GALNTL6: variants seen among roughly 807,000 people sequenced by gnomAD.
The protein encoded by GALNTL6 is polypeptide N-acetylgalactosaminyltransferase-like 6.
GALNTL6 carries 46 observed loss-of-function variants against 73.7 expected under a neutral mutation model. That is an observed-to-expected ratio of 0.62 (90% CI 0.49 to 0.80). The LOEUF is 0.80. Among genes scored for constraint, GALNTL6 ranks in the 30% least tolerant of loss-of-function variants. GALNTL6 has a pLI of 0.00. For synonymous variants in GALNTL6, 259 were observed against 263.7 expected, an observed-to-expected ratio of 0.98 and a Z score of 0.17; for missense variants, 604 against 755.0, an observed-to-expected ratio of 0.80 and a Z score of 2.34.
intron 5 of GALNTL6, among the ~76,000 whole-genome samples, chr4:172,615,581 T>G (rs575673428): frequency 1.1e-4 from 16 of 152,320 alleles, no homozygotes; most frequent in African/African-American, 3.6e-4. Context: ...GTGAAAGCAA[T>G]GAGCTTCATT....
chr4:172,594,118 G>A (rs1340134644), intron 5 of GALNTL6, among the ~76,000 whole-genome samples: 2 of 152,044 alleles, frequency 1.3e-5, no homozygotes, highest in African/African-American at 2.4e-5. Flanking sequence ...AGGCCGAGGC[G>A]GGTGGATCAC....
intron 3 of GALNTL6, among the ~76,000 whole-genome samples, chr4:172,263,416 A>G (rs984425785): frequency 1.3e-5 from 2 of 151,128 alleles, no homozygotes; most frequent in African/African-American, 4.8e-5. Context: ...TATTTTTTAA[A>G]CTTTCCAGTG....
At chr4:172,209,092 G>A (rs1736238761) in intron 2 of GALNTL6, among the ~76,000 whole-genome samples, 1 of 151,952 alleles carries the variant, frequency 6.6e-6, no homozygotes, top group Admixed American at 6.6e-5. Context: ...TTACAAGGAC[G>A]TCTAATTGCA....
At chr4:172,357,118 C>A (rs536064418) in intron 5 of GALNTL6, among the ~76,000 whole-genome samples, 25 of 152,222 alleles carry the variant, frequency 1.6e-4, no homozygotes, top group African/African-American at 5.8e-4. Flanking sequence ...CCATAATGGC[C>A]TTCCAGGACT....
At chr4:172,734,012 A>G (rs570026430) in intron 5 of GALNTL6, among the ~76,000 whole-genome samples, 1 of 152,310 alleles carries the variant, frequency 6.6e-6, no homozygotes, top group East Asian at 1.9e-4. Flanking sequence ...TTTGACCAAA[A>G]TGTTGATAGT....
At chr4:172,095,219 A>C (rs1395037894) in intron 2 of GALNTL6, among the ~76,000 whole-genome samples, 1 of 152,064 alleles carries the variant, frequency 6.6e-6, no homozygotes, top group Non-Finnish European at 1.5e-5. Flanking sequence ...GAGAGATGAT[A>C]GAAGTAGTAA....
chr4:172,079,260 G>T (rs893762547), intron 2 of GALNTL6, among the ~76,000 whole-genome samples: 1 of 151,880 alleles, frequency 6.6e-6, no homozygotes, highest in African/African-American at 2.4e-5. Flanking sequence ...ATATGTATTT[G>T]TGTGTAAAAT....
chr4:172,878,612 A>G (rs1745304990), intron 7 of GALNTL6, among the ~76,000 whole-genome samples: 1 of 151,882 alleles, frequency 6.6e-6, no homozygotes. Flanking sequence ...TAACAAAGAA[A>G]CCACTTAAAA....
intron 2 of GALNTL6, among the ~76,000 whole-genome samples, chr4:171,926,089 T>A (rs1266267664): frequency 6.6e-6 from 1 of 152,130 alleles, no homozygotes; most frequent in Non-Finnish European, 1.5e-5. Context: ...CATTCCTTTA[T>A]CGAAAGACAT....
intron 5 of GALNTL6, among the ~76,000 whole-genome samples, chr4:172,496,259 A>C (rs1579128937): frequency 6.6e-6 from 1 of 152,266 alleles, no homozygotes; most frequent in African/African-American, 2.4e-5. Flanking sequence ...CAAATTTTGC[A>C]AAAGGTCCAT....
chr4:172,383,422 A>G (rs1448761547), intron 5 of GALNTL6, among the ~76,000 whole-genome samples: 2 of 152,166 alleles, frequency 1.3e-5, no homozygotes, highest in Admixed American at 6.5e-5. Context: ...TTACTAATGT[A>G]TAGACATCCA....
intron 2 of GALNTL6, among the ~76,000 whole-genome samples, chr4:172,183,481 A>G (rs113394001): frequency 1.6e-3 from 251 of 152,346 alleles, no homozygotes; most frequent in Middle Eastern, 3.4e-3. Context: ...GCAAGAGTCC[A>G]CATGAAAGGT....
At chr4:172,398,273 TA>T (rs1265448857) in intron 5 of GALNTL6, among the ~76,000 whole-genome samples, 3 of 152,178 alleles carry the variant, frequency 2.0e-5, no homozygotes, top group Admixed American at 6.5e-5. Flanking sequence ...AGTGCTGACT[TA>T]AGAAGTGATC....
chr4:172,873,806 C>T (rs7693851), intron 7 of GALNTL6, among the ~76,000 whole-genome samples: 14,462 of 151,954 alleles, frequency 0.095, 860 homozygotes, highest in Non-Finnish European at 0.14. Context: ...AGGGTGTAAA[C>T]GTACAGTATA....
At chr4:172,999,385 C>G (rs1458263584) in intron 10 of GALNTL6, among the ~76,000 whole-genome samples, 1 of 152,130 alleles carries the variant, frequency 6.6e-6, no homozygotes, top group African/African-American at 2.4e-5. Flanking sequence ...CCTGCTCAGC[C>G]CTTCCAGTGT....
intron 2 of GALNTL6, among the ~76,000 whole-genome samples, chr4:172,125,224 C>T (rs1320068160): frequency 6.6e-6 from 1 of 152,078 alleles, no homozygotes; most frequent in Non-Finnish European, 1.5e-5. Context: ...GAGGAAAAAT[C>T]TACCTCAAGA....
chr4:172,816,801 A>G (rs1741625043), intron 7 of GALNTL6, among the ~76,000 whole-genome samples: 1 of 152,124 alleles, frequency 6.6e-6, no homozygotes, highest in Admixed American at 6.5e-5. Context: ...TTCCTGTTGG[A>G]TTGGATACAT....
intron 5 of GALNTL6, among the ~76,000 whole-genome samples, chr4:172,497,573 A>C (rs1456534617): frequency 6.6e-6 from 1 of 152,224 alleles, no homozygotes; most frequent in Non-Finnish European, 1.5e-5. Flanking sequence ...TGTCAGTCTT[A>C]TTATTAGGTC....
intron 5 of GALNTL6, among the ~76,000 whole-genome samples, chr4:172,682,450 G>A (rs1379448221): frequency 6.6e-6 from 1 of 152,070 alleles, no homozygotes; most frequent in Non-Finnish European, 1.5e-5. Context: ...TGAAGGATAA[G>A]TTCAAAAATA....
Sources: gnomAD v4.1 joint callset for allele counts (sites outside exome capture counted in the v4.1 genomes callset) on GRCh38, gnomAD v4.1.1 for gene constraint, MANE v1.5 for transcripts, NCBI Gene and HGNC (gene_info 2026-07-23, HGNC 2026-07-21) for gene names.